CPNE4: variants seen among roughly 807,000 people sequenced by gnomAD.
The protein encoded by CPNE4 is copine 4.
CPNE4 carries 25 observed loss-of-function variants against 67.9 expected under a neutral mutation model. That is an observed-to-expected ratio of 0.37 (90% CI 0.27 to 0.51). The LOEUF (loss-of-function observed/expected upper bound fraction) is 0.51. Ranked by LOEUF, CPNE4 falls within the 20% of genes least tolerant of loss-of-function variation. The probability of loss-of-function intolerance (pLI) is 0.93; values close to 1 mark genes in which losing one functional copy is unlikely to be tolerated. For synonymous variants in CPNE4, 242 were observed against 244.9 expected (o/e 0.99, Z 0.11); for missense variants, 464 against 690.8 (o/e 0.67, Z 3.68).
At chr3:131,893,943 G>A (rs747268939) in intron 2 of CPNE4, among the ~76,000 whole-genome samples, 8 of 151,444 alleles carry the variant, frequency 5.3e-5, no homozygotes, top group Admixed American at 3.3e-4. Flanking sequence ...ATTGATAGAA[G>A]AAAAGAAATA....
In CPNE4 at chr3:131,722,449, C is replaced by T. The variant is rs116004570; in HGVS notation, c.360+997G>A. Among the ~76,000 whole-genome samples the T allele has an allele frequency of 8.3e-3, 1,257 of 151,922 alleles. 20 individuals are homozygous for T. Among genetic ancestry groups the T allele is most frequent in the African/African-American group, 0.029 (1,198 of 41,436 alleles). On this transcript the variant is annotated intron_variant, in intron 3 of 15. Coordinates refer to ENST00000429747, the MANE Select transcript of CPNE4 (RefSeq NM_130808.3). ...TGGTCTCTTCCCACCCCATACCCCC[C>T]CACGTTTGTTCTGACCCCTATGAGT... is the stretch of plus-strand genomic sequence containing the variant.
At chr3:131,617,633 G>A (rs1380101208) in intron 7 of CPNE4, among the ~76,000 whole-genome samples, 2 of 152,140 alleles carry the variant, frequency 1.3e-5, no homozygotes, top group African/African-American at 4.8e-5. Context: ...CACTCCCTGT[G>A]CTATAGCAGA....
chr3:131,642,701 G>T (rs1238688159), intron 7 of CPNE4, among the ~76,000 whole-genome samples: 1 of 152,128 alleles, frequency 6.6e-6, no homozygotes, highest in Non-Finnish European at 1.5e-5. Flanking sequence ...ATATCCGATG[G>T]TTTTATAAGG....
chr3:131,612,703 T>C (rs955713578), intron 7 of CPNE4, among the ~76,000 whole-genome samples: 1 of 152,198 alleles, frequency 6.6e-6, no homozygotes, highest in Non-Finnish European at 1.5e-5. Context: ...CATCATATAA[T>C]TTCCTCACTG....
chr3:131,684,930 A>G (rs1194595853), intron 6 of CPNE4, among the ~76,000 whole-genome samples: 2 of 152,194 alleles, frequency 1.3e-5, no homozygotes, highest in African/African-American at 4.8e-5. Flanking sequence ...GAGAAAGAAG[A>G]GGAAGAGTGA....
In CPNE4 at chr3:131,793,642, G is replaced by A. The variant is rs543462490; in HGVS notation, c.181-70017C>T. Among the ~76,000 whole-genome samples the A allele has an allele frequency of 6.6e-5, 10 of 152,222 alleles. No individual in the cohort carries two copies. In the South Asian group the frequency reaches 2.1e-3, roughly 32 times the overall value. On this transcript the variant is annotated intron_variant, in intron 2 of 15. Transcript: ENST00000429747. ...ATCTATTTCTTTTTTAAAACACACAGAATTTGTACCTGCCTATGGACTTTT... is the reference window on the plus strand; with the variant it reads ...ATCTATTTCTTTTTTAAAACACACAAAATTTGTACCTGCCTATGGACTTTT...
chr3:131,936,906 A>C (rs2071239078), intron 1 of CPNE4, among the ~76,000 whole-genome samples: 1 of 151,948 alleles, frequency 6.6e-6, no homozygotes, highest in Non-Finnish European at 1.5e-5. Context: ...TTTAAAAGAC[A>C]CTAGAAGAGT....
intron 9 of CPNE4, 41 bp from the exon 10 acceptor site, chr3:131,575,171 A>C (rs1222670186): frequency 1.3e-6 from 2 of 1,559,302 alleles, no homozygotes; most frequent in Non-Finnish European, 1.8e-6. Context: ...ATAACAGCAC[A>C]GTCTATTTCC....
chr3:131,624,433 C>A (rs936748241), intron 7 of CPNE4, among the ~76,000 whole-genome samples: 1 of 152,154 alleles, frequency 6.6e-6, no homozygotes, highest in African/African-American at 2.4e-5. Flanking sequence ...CCAGAAAACA[C>A]AGGACTTTAT....
intron 4 of CPNE4, 114 bp from the exon 5 acceptor site, chr3:131,696,730 CAA>C: frequency 2.1e-6 from 2 of 934,010 alleles, no homozygotes; most frequent in Admixed American, 1.9e-5. Context: ...AAATGTTGGG[CAA>C]AGAGTTTTTC....
intron 2 of CPNE4, among the ~76,000 whole-genome samples, chr3:131,775,700 A>T (rs941346950): frequency 1.3e-5 from 2 of 152,190 alleles, no homozygotes; most frequent in African/African-American, 4.8e-5. Flanking sequence ...TGCTAGCCAC[A>T]TAGAACTGTG....
intron 11 of CPNE4, among the ~76,000 whole-genome samples, chr3:131,563,438 A>G (rs1037940355): frequency 1.3e-5 from 2 of 152,046 alleles, no homozygotes; most frequent in Non-Finnish European, 2.9e-5. Flanking sequence ...GGCAGAATAC[A>G]TTCAGTTTAA....
At chr3:131,875,981 A>T (rs1190531835) in intron 2 of CPNE4, among the ~76,000 whole-genome samples, 1 of 152,198 alleles carries the variant, frequency 6.6e-6, no homozygotes, top group Non-Finnish European at 1.5e-5. Context: ...CATTGTAAAT[A>T]CTCAGTGCAG....
At chr3:132,005,071 A>G (rs1245849787) in intron 1 of CPNE4, among the ~76,000 whole-genome samples, 1 of 151,766 alleles carries the variant, frequency 6.6e-6, no homozygotes, top group Non-Finnish European at 1.5e-5. Flanking sequence ...TGGCTCTTCA[A>G]TGACAGGTAT....
At chr3:132,032,551 TGA>T (rs1048111155) in intron 1 of CPNE4, among the ~76,000 whole-genome samples, 1 of 152,246 alleles carries the variant, frequency 6.6e-6, no homozygotes, top group Non-Finnish European at 1.5e-5. Context: ...AATCTTCCCA[TGA>T]GAGATAGTTG....
At chr3:131,835,462 G>A (rs1164728591) in intron 2 of CPNE4, among the ~76,000 whole-genome samples, 1 of 152,010 alleles carries the variant, frequency 6.6e-6, no homozygotes, top group Non-Finnish European at 1.5e-5. Flanking sequence ...CTAGGAAGTA[G>A]AGATTGCAGT....
rs1241286886 is a variant in CPNE4 at position 131,533,591 on chromosome 3, A to C, written c.*1604T>G. 1 of 152,196 alleles carries C rather than the reference A, an allele frequency of 6.6e-6. No individual in the cohort carries two copies. Among genetic ancestry groups the C allele is most frequent in the African/African-American group, 2.4e-5 (1 of 41,452 alleles). 9.4% of individuals were successfully genotyped at this position (152,196 alleles called of 1,614,324 possible). A position where few individuals can be genotyped will look rare whatever the true frequency, so the allele number is the denominator to read the frequency against. The stretch of plus-strand genomic sequence containing the variant: ...GAATTCTGTAAGTACCCAATTTATT[A>C]ATAAAACAATATAGCTTAAATATTT... On this transcript the variant is annotated 3_prime_UTR_variant, in exon 16 of 16. Coordinates refer to ENST00000429747, the MANE Select transcript of CPNE4 (RefSeq NM_130808.3).
At chr3:131,550,550 G>T (rs907333791) in intron 13 of CPNE4, among the ~76,000 whole-genome samples, 1 of 152,080 alleles carries the variant, frequency 6.6e-6, no homozygotes, top group Non-Finnish European at 1.5e-5. Context: ...GTTTCCACAC[G>T]ATCTTGTTGA....
chr3:132,038,684 T>C (rs567739514), upstream of CPNE4, among the ~76,000 whole-genome samples: 1 of 152,280 alleles, frequency 6.6e-6, no homozygotes, highest in East Asian at 1.9e-4. Context: ...GATTCTGCTT[T>C]TTAACTACAT....
Sources: allele counts gnomAD v4.1 joint callset (sites outside exome capture counted in the v4.1 genomes callset), GRCh38; gene constraint gnomAD v4.1.1; transcripts MANE v1.5; gene names NCBI Gene and HGNC (gene_info 2026-07-23, HGNC 2026-07-21).